The following DNAAF8 variants were observed in gnomAD, a reference collection of about 807,000 sequenced individuals.
DNAAF8 encodes the protein dynein axonemal-associated protein 1.
A neutral mutation model predicts 54.6 loss-of-function variants in DNAAF8; 61 were observed. The observed-to-expected ratio is 1.12, with a 90% CI of 0.91 to 1.38. The LOEUF is 1.38. Ranked by LOEUF, DNAAF8 falls within the 40% of genes most tolerant of loss-of-function variation. The pLI is 0.00. For synonymous variants in DNAAF8, 320 were observed against 270.1 expected (o/e 1.18, Z -1.81); for missense variants, 837 against 665.0 (o/e 1.26, Z -2.85).
Position 4,740,203 on chromosome 16 carries a change from C to G in DNAAF8, c.327C>G (p.Asn109Lys), listed in dbSNP as rs61731839. The change falls in exon 4 of 10, where the codon AAC becomes AAG. Residue 109 changes from asparagine to lysine, a missense_variant. Transcript: ENST00000299320. ...ELATEPGCRQ[N>K]TRTKDASSQE... ...CCACAGAACCTGGGTGCAGACAGAA[C>G]ACAAGGACAAAGGATGCATCCTCTC... 62,876 of 1,613,856 alleles carry G rather than the reference C, an allele frequency of 0.039. 1,435 individuals carry two copies. Among genetic ancestry groups the G allele is most frequent in the Non-Finnish European group, 0.046 (54,232 of 1,179,880 alleles).
At chr16:4,746,628 A>C in intron 7 of DNAAF8, 116 bp downstream of exon 7, 1 of 1,341,994 alleles carries the variant, frequency 7.5e-7, no homozygotes. Flanking sequence ...AAAGGCTTGG[A>C]TCAATTCTCA....
intron 4 of DNAAF8, 148 bp downstream of exon 4, chr16:4,740,807 TAGAGGGGTGGAGGGTCCCAGC>T: frequency 9.2e-7 from 1 of 1,090,978 alleles, no homozygotes; most frequent in South Asian, 1.7e-5. Flanking sequence ...CCTGTCTCAG[TAGAGGGGTGGAGGGTCCCAGC>T]AGAGCACATC....
chr16:4,739,265 GTTTTTTTTTTT>G (rs35113323), intron 3 of DNAAF8, among the ~76,000 whole-genome samples: 3 of 69,030 alleles, frequency 4.3e-5, no homozygotes, highest in Non-Finnish European at 7.8e-5. Flanking sequence ...ATTTTTTCTT[GTTTTTTTTTTT>G]TTTTTTTTTT....
At chr16:4,737,704 T>G in intron 2 of DNAAF8, 96 bp from the exon 3 acceptor site, 1 of 1,465,840 alleles carries the variant, frequency 6.8e-7, no homozygotes, top group South Asian at 1.2e-5. Context: ...CGGGCTGGGC[T>G]GGAAGTGAGA....
rs1461559990 is a variant in DNAAF8 at position 4,747,603 on chromosome 16, T to A, written c.1541T>A (p.Met514Lys). The A allele has an allele frequency of 1.9e-6, 3 of 1,609,446 alleles. No individual in the cohort carries two copies. In the South Asian group the frequency reaches 3.3e-5, roughly 18 times the overall value. Reference protein sequence around the residue: ...PEPGAAREALMPPLEQL With the variant: ...PEPGAAREALKPPLEQL ...CCAGGGGCAGCCAGGGAGGCCCTGA[T>A]GCCTCCTCTGGAGCAACTATAGCTG... The change falls in exon 9 of 10, where the codon ATG becomes AAG. Residue 514 changes from methionine (M) to lysine (K), a missense_variant. Met to Lys is a moderately conservative substitution (Grantham distance 95). Transcript: ENST00000299320.
rs376834868 is a variant in DNAAF8, at chr16:4,747,046, C to T, written c.1280+21C>T. On this transcript the variant is annotated intron_variant, in intron 8 of 9. Transcript: ENST00000299320. ...CTACGGTAACCACCCAGGGGCCTCTCGCCACCTGCAGATGTCCCACCTCTG... is the reference window on the plus strand; with the variant it reads ...CTACGGTAACCACCCAGGGGCCTCTTGCCACCTGCAGATGTCCCACCTCTG... The T allele has an allele frequency of 4.0e-5, 61 of 1,509,058 alleles. No individual in the cohort carries two copies. In the Middle Eastern group the frequency reaches 2.0e-3, roughly 50 times the overall value. The allele number at this position is 1,509,058 out of a possible 1,614,324, so 93.5% of individuals were successfully genotyped here. A position where few individuals can be genotyped will look rare whatever the true frequency, so the allele number is the denominator to read the frequency against.
intron 8 of DNAAF8, 150 bp from the exon 9 acceptor site, chr16:4,747,193 C>A: frequency 8.2e-7 from 1 of 1,225,898 alleles, no homozygotes; most frequent in Non-Finnish European, 1.1e-6. Context: ...CCACTGGGTC[C>A]CAGCAGTGGC....
intron 3 of DNAAF8, among the ~76,000 whole-genome samples, chr16:4,738,675 G>C (rs987722679): frequency 6.6e-6 from 1 of 152,168 alleles, no homozygotes; most frequent in African/African-American, 2.4e-5. Context: ...TTGAAGTCAG[G>C]AGTTTGAGAC....
chr16:4,747,519 A>G lies in DNAAF8; in HGVS notation c.1457A>G (p.Gln486Arg). 1 of 1,613,210 alleles carries G rather than the reference A, an allele frequency of 6.2e-7. No homozygotes were observed. ...KQHMKLCAKG[Q>R]SAQARLPRGR... is the part of the protein sequence containing the mutation. ...CACATGAAGCTCTGTGCCAAGGGGC[A>G]GAGCGCCCAGGCTCGACTCCCAAGA... Residue 486 changes from glutamine (Q) to arginine (R), a missense_variant, in exon 9 of 10, where the codon CAG (glutamine) becomes CGG (arginine). Gln to Arg is a conservative substitution (Grantham distance 43). Transcript: ENST00000299320.
At chr16:4,745,817 T>C (rs2082007887) in intron 6 of DNAAF8, among the ~76,000 whole-genome samples, 1 of 151,898 alleles carries the variant, frequency 6.6e-6, no homozygotes, top group Non-Finnish European at 1.5e-5. Context: ...TCCAGGCATG[T>C]TGGTGCATGC....
rs140848718 is a variant in DNAAF8, at chr16:4,740,297, G to A, written c.421G>A (p.Glu141Lys). The A allele has an allele frequency of 7.2e-5, 116 of 1,613,906 alleles. No homozygotes were observed. Among genetic ancestry groups the A allele is most frequent in the Non-Finnish European group, 6.4e-5 (75 of 1,179,972 alleles). ...GGTCAGCGCTCTTCTTGGGATGGCC[G>A]AGGAGCCCCCCAGGTGGCTGGAAGG... ...GEVSALLGMA[E>K]EPPRWLEGDL... Residue 141 changes from glutamate to lysine, a missense_variant, in exon 4 of 10, where the codon GAG becomes AAG. Transcript: ENST00000299320.
intron 8 of DNAAF8, 158 bp downstream of exon 8, chr16:4,747,183 C>A: frequency 8.3e-7 from 1 of 1,208,262 alleles, no homozygotes; most frequent in Non-Finnish European, 1.2e-6. Context: ...CTGCCCACGT[C>A]CACTGGGTCC....
At position 4,747,456 on chromosome 16, in the gene DNAAF8, C is replaced by G. The variant is rs17853375; in HGVS notation, c.1394C>G (p.Pro465Arg). 1 of 1,613,072 alleles carries G rather than the reference C, an allele frequency of 6.2e-7. No individual in the cohort carries two copies. Among genetic ancestry groups the G allele is most frequent in the Non-Finnish European group, 8.5e-7 (1 of 1,179,958 alleles). The change falls in exon 9 of 10, where the codon CCT (proline) becomes CGT (arginine). Residue 465 changes from proline to arginine, a missense_variant. Transcript: ENST00000299320. ...CCCGCGGGTGGGAGGGCTCAGGCCC[C>G]TGAAGACACAGCTGGATCACGAACT... The part of the protein sequence containing the change: ...KGPAGGRAQA[P>R]EDTAGSRTGR...
At chr16:4,744,679 C>A (rs1481338602) in intron 5 of DNAAF8, among the ~76,000 whole-genome samples, 191 bp from the exon 6 acceptor site, 1 of 152,054 alleles carries the variant, frequency 6.6e-6, no homozygotes, top group African/African-American at 2.4e-5. Flanking sequence ...AAAGATTCTG[C>A]CCCCCTCAGC....
intron 3 of DNAAF8, among the ~76,000 whole-genome samples, chr16:4,738,251 A>G (rs982203155): frequency 2.0e-5 from 3 of 152,070 alleles, no homozygotes; most frequent in African/African-American, 7.2e-5. Flanking sequence ...GCTTCTGGCC[A>G]TTGTCACAAC....
rs1276671969 is a variant in DNAAF8, at chr16:4,744,989, A to G, written c.1021A>G (p.Lys341Glu). 10 of 1,613,432 alleles carry G rather than the reference A, an allele frequency of 6.2e-6. No homozygotes were observed. In the Admixed American group the frequency reaches 1.5e-4, roughly 24 times the overall value. Residue 341 changes from lysine (K) to glutamate (E), a missense_variant, in exon 6 of 10, where the codon AAA becomes GAA. Physicochemically the swap from Lys to Glu is moderately conservative, Grantham distance 56. Transcript: ENST00000299320. ...GCCTGCCGACACTCCCCAGGACACCAAAGAGGCAGATTCAGGAAGCAGGTG... is the reference window on the plus strand; with the variant it reads ...GCCTGCCGACACTCCCCAGGACACCGAAGAGGCAGATTCAGGAAGCAGGTG... ...KVPADTPQDT[K>E]EADSGSRCAS...
rs1274121080 is a variant in DNAAF8 at position 4,744,922 on chromosome 16, G to A, written c.954G>A (p.Leu318=). The change falls in exon 6 of 10, where the codon CTG becomes CTA. Residue 318 remains leucine (L), a synonymous_variant. Coordinates refer to ENST00000299320, the MANE Select transcript of DNAAF8 (RefSeq NM_139170.3). The stretch of plus-strand genomic sequence containing the variant: ...GGCTCATGGAACAGCTGGCCCTCCT[G>A]TGCACCACGCAGTCCAAGGCCTCTG... The part of the protein sequence containing the change: ...HNRLMEQLAL[L]CTTQSKASAC... 4.3e-6 allele frequency: 7 copies of A among 1,613,916 alleles called. No individual in the cohort carries two copies.
In DNAAF8 at chr16:4,745,069, G is replaced by A. The variant is rs1459424785; in HGVS notation, c.1043+58G>A. ...TCCTTTAGAATGGCCCCATGGTTTT[G>A]TAGCACTGACTGGGCCTACCAAGGG... is the stretch of plus-strand genomic sequence containing the variant. On this transcript the variant is annotated intron_variant, in intron 6 of 9. Coordinates refer to ENST00000299320, the MANE Select transcript of DNAAF8 (RefSeq NM_139170.3). 9 of 1,574,200 alleles carry A rather than the reference G, an allele frequency of 5.7e-6. No homozygotes were observed. In the East Asian group the frequency reaches 1.1e-4, roughly 20 times the overall value.
chr16:4,743,187 G>C (rs749870718), intron 5 of DNAAF8, 27 bp downstream of exon 5: 3 of 1,496,922 alleles, frequency 2.0e-6, no homozygotes, highest in African/African-American at 1.4e-5. Flanking sequence ...TGGAGCCCAC[G>C]TGAATCCCCA....
Sources: allele counts gnomAD v4.1 joint callset (sites outside exome capture counted in the v4.1 genomes callset), GRCh38; gene constraint gnomAD v4.1.1; transcripts MANE v1.5; gene names NCBI Gene and HGNC (gene_info 2026-07-23, HGNC 2026-07-21).